PIK3CA: variants seen among roughly 807,000 people sequenced by gnomAD.
PIK3CA encodes the protein phosphatidylinositol-4,5-bisphosphate 3-kinase catalytic subunit alpha.
PIK3CA carries 27 observed loss-of-function variants against 138.2 expected under a neutral mutation model. The ratio of observed to expected loss-of-function variants is 0.20; its 90% confidence interval spans 0.14 to 0.27. PIK3CA has a LOEUF of 0.27. Ranked by LOEUF, PIK3CA falls within the 10% of genes least tolerant of loss-of-function variation. The pLI is 1.00. For synonymous variants in PIK3CA, 358 were observed against 413.2 expected, an observed-to-expected ratio of 0.87 and a Z score of 1.62; for missense variants, 544 against 1,277.4, an observed-to-expected ratio of 0.43 and a Z score of 8.75.
chr3:179,227,584 C>G (rs920735230), intron 17 of PIK3CA, among the ~76,000 whole-genome samples: 2 of 151,916 alleles, frequency 1.3e-5, no homozygotes, highest in Admixed American at 6.6e-5. Flanking sequence ...AGTGACTCAT[C>G]ATTAGTTTTA....
chr3:179,170,324 G>C (rs1723529457), intron 1 of PIK3CA, among the ~76,000 whole-genome samples: 1 of 152,174 alleles, frequency 6.6e-6, no homozygotes, highest in Non-Finnish European at 1.5e-5. Flanking sequence ...TCCTGTATCA[G>C]TTTCTCCTGA....
At chr3:179,203,097 C>G (rs1477531720) in intron 4 of PIK3CA, among the ~76,000 whole-genome samples, 4 of 151,766 alleles carry the variant, frequency 2.6e-5, no homozygotes, top group Non-Finnish European at 5.9e-5. Flanking sequence ...CCCGCCACTA[C>G]GCCCGGCTAA....
intron 1 of PIK3CA, among the ~76,000 whole-genome samples, chr3:179,182,506 TTAAAAAAAA>T (rs1723872753): frequency 2.0e-5 from 3 of 151,914 alleles, no homozygotes; most frequent in Non-Finnish European, 4.4e-5. Context: ...CATCTCTGCA[TTAAAAAAAA>T]TTTAGCTGGG....
rs1051404 is a variant in PIK3CA, at chr3:179,199,772, C to T, written c.435C>T (p.Asn145=). 11 of 1,612,800 alleles carry T rather than the reference C, an allele frequency of 6.8e-6. No homozygotes were observed. Among genetic ancestry groups the T allele is most frequent in the African/African-American group, 4.0e-5 (3 of 74,844 alleles). ...AGGACTTCCGAAGAAATATTCTGAACGTTTGTAAAGAAGCTGTGGATCTTA... is the reference window on the plus strand; with the variant it reads ...AGGACTTCCGAAGAAATATTCTGAATGTTTGTAAAGAAGCTGTGGATCTTA... ...EVQDFRRNIL[N]VCKEAVDLRD... The change falls in exon 3 of 21, where the codon AAC becomes AAT. Residue 145 remains asparagine, a synonymous_variant. Coordinates refer to ENST00000263967, the MANE Select transcript of PIK3CA (RefSeq NM_006218.4).
At chr3:179,155,425 T>A (rs916134262) in intron 1 of PIK3CA, among the ~76,000 whole-genome samples, 8 of 152,192 alleles carry the variant, frequency 5.3e-5, no homozygotes, top group African/African-American at 1.9e-4. Context: ...TGAGCACAGA[T>A]TTGGCCCTTT....
In PIK3CA at chr3:179,235,055, T is replaced by C. The variant is rs1725304292; in HGVS notation, c.*691T>C. ...CCTGTTATAAGGTGGTATTTTTTTT[T>C]TTCTTCTGGACAGTATTTAAAGGAT... On this transcript the variant is annotated 3_prime_UTR_variant, in exon 21 of 21. Transcript: ENST00000263967. 3 of 199,982 alleles carry C rather than the reference T, an allele frequency of 1.5e-5. No individual in the cohort carries two copies. Among genetic ancestry groups the C allele is most frequent in the South Asian group, 1.9e-4 (1 of 5,224 alleles). 12.4% of individuals were successfully genotyped at this position (199,982 alleles called of 1,614,324 possible).
At chr3:179,178,789 T>C (rs1196060716) in intron 1 of PIK3CA, among the ~76,000 whole-genome samples, 1 of 152,100 alleles carries the variant, frequency 6.6e-6, no homozygotes, top group Non-Finnish European at 1.5e-5. Flanking sequence ...AGGTACAAGC[T>C]TCCAACAATC....
At chr3:179,164,401 G>T (rs1248125547) in intron 1 of PIK3CA, among the ~76,000 whole-genome samples, 2 of 152,134 alleles carry the variant, frequency 1.3e-5, no homozygotes, top group African/African-American at 4.8e-5. Context: ...AAAGAAATAT[G>T]AATACACTTT....
intron 3 of PIK3CA, among the ~76,000 whole-genome samples, chr3:179,200,763 TTTC>T (rs1289397843): frequency 1.3e-5 from 2 of 152,330 alleles, no homozygotes; most frequent in African/African-American, 4.8e-5. Context: ...ATCTTTCTCT[TTTC>T]TTCTTTTTTG....
chr3:179,224,655 A>T (rs752728702), intron 15 of PIK3CA, 45 bp from the exon 16 acceptor site: 2 of 1,314,064 alleles, frequency 1.5e-6, no homozygotes, highest in South Asian at 3.1e-5. Flanking sequence ...GGGTAAAATA[A>T]TAATAAAGCA....
rs114587137 is a variant in PIK3CA, at chr3:179,218,425, C to T, written c.1664+91C>T. 11,372 of 974,640 alleles carry T rather than the reference C, an allele frequency of 0.012. 530 individuals carry two copies. The South Asian group carries it at 0.12, about 11-fold the overall frequency. The allele number at this position is 974,640 out of a possible 1,614,324, so 60.4% of individuals were successfully genotyped here. Reference sequence around the variant, plus strand: ...CTGATCTCAGCATGTTTTTACCATACCTATTGGAATAAATAAAGCAGAATT... The same window carrying T: ...CTGATCTCAGCATGTTTTTACCATATCTATTGGAATAAATAAAGCAGAATT... On this transcript the variant is annotated intron_variant, in intron 10 of 20. Coordinates refer to ENST00000263967, the MANE Select transcript of PIK3CA (RefSeq NM_006218.4).
intron 1 of PIK3CA, among the ~76,000 whole-genome samples, chr3:179,173,109 ATTTTCT>A (rs1239616575): frequency 2.0e-5 from 3 of 151,972 alleles, no homozygotes; most frequent in Non-Finnish European, 2.9e-5. Flanking sequence ...ATTTATAATA[ATTTTCT>A]TTTTATTGAA....
At position 179,211,263 on chromosome 3, in the gene PIK3CA, A is replaced by G. The variant is rs567902155; in HGVS notation, c.1539+698A>G. On this transcript the variant is annotated intron_variant, in intron 9 of 20. Transcript: ENST00000263967. Reference sequence around the variant, plus strand: ...ATGCAAACATATATAAAGATGCAGTATTAAATTGTATCTGCATAAAATTAA... The same window carrying G: ...ATGCAAACATATATAAAGATGCAGTGTTAAATTGTATCTGCATAAAATTAA... Among the ~76,000 whole-genome samples, 3 of 152,254 alleles carry G rather than the reference A, an allele frequency of 2.0e-5. 1 individual carries two copies. Among genetic ancestry groups the G allele is most frequent in the South Asian group, 4.1e-4 (2 of 4,834 alleles).
intron 4 of PIK3CA, among the ~76,000 whole-genome samples, chr3:179,203,153 G>C (rs1724462165): frequency 6.6e-6 from 1 of 151,660 alleles, no homozygotes; most frequent in Non-Finnish European, 1.5e-5. Context: ...TTTTAGCCAG[G>C]ATGGTCTCGA....
chr3:179,228,138 C>A (rs567524035), intron 17 of PIK3CA, among the ~76,000 whole-genome samples: 1 of 151,912 alleles, frequency 6.6e-6, no homozygotes, highest in African/African-American at 2.4e-5. Context: ...TTCAAACTTG[C>A]AACAAAAATT....
Position 179,198,913 on chromosome 3 carries a change from A to G in PIK3CA, c.88A>G (p.Met30Val), listed in dbSNP as rs1289478729. The change falls in exon 2 of 21, where the codon ATG becomes GTG. Residue 30 changes from methionine to valine, a missense_variant. Physicochemically the swap from Met to Val is conservative, Grantham distance 21 (BLOSUM62 1). Coordinates refer to ENST00000263967, the MANE Select transcript of PIK3CA (RefSeq NM_006218.4). ...ILVECLLPNG[M>V]IVTLECLREA... ...AGTAGAATGTTTACTACCAAATGGA[A>G]TGATAGTGACTTTAGAATGCCTCCG... The G allele has an allele frequency of 1.2e-6, 2 of 1,610,098 alleles. No homozygotes were observed. The highest frequency in any genetic ancestry group is 1.7e-5 in the Admixed American group (1 of 59,556).
intron 9 of PIK3CA, among the ~76,000 whole-genome samples, chr3:179,211,591 C>T (rs765896059): frequency 6.6e-6 from 1 of 152,102 alleles, no homozygotes; most frequent in African/African-American, 2.4e-5. Flanking sequence ...TGCTTGAACC[C>T]GGGAGGCAGA....
intron 20 of PIK3CA, among the ~76,000 whole-genome samples, chr3:179,232,275 G>C (rs1402960265): frequency 6.6e-6 from 1 of 152,078 alleles, no homozygotes; most frequent in Non-Finnish European, 1.5e-5. Context: ...TCCATCTTGA[G>C]TTGATTTTTG....
intron 3 of PIK3CA, 122 bp downstream of exon 3, chr3:179,200,021 C>G (rs1724371775): frequency 3.5e-6 from 2 of 572,114 alleles, no homozygotes; most frequent in Non-Finnish European, 3.1e-6. Context: ...AAGGCAGGGA[C>G]TGCTTATACT....
Sources: gnomAD v4.1 joint callset for allele counts (sites outside exome capture counted in the v4.1 genomes callset) on GRCh38, gnomAD v4.1.1 for gene constraint, MANE v1.5 for transcripts, NCBI Gene and HGNC (gene_info 2026-07-23, HGNC 2026-07-21) for gene names.